DIAPH2: variants seen among roughly 807,000 people sequenced by gnomAD.
DIAPH2 encodes protein diaphanous homolog 2.
A neutral mutation model predicts 92.7 loss-of-function variants in DIAPH2; 35 were observed. The observed-to-expected ratio is 0.38, with a 90% CI of 0.29 to 0.50. DIAPH2 has a LOEUF of 0.50. Among genes scored for constraint, DIAPH2 ranks in the 20% least tolerant of loss-of-function variants. The pLI is 0.94. For synonymous variants in DIAPH2, 301 were observed against 280.4 expected, an observed-to-expected ratio of 1.07 and a Z score of -0.73; for missense variants, 701 against 819.5, an observed-to-expected ratio of 0.86 and a Z score of 1.77.
chrX:96,806,691 TC>T (rs1173170815), intron 4 of DIAPH2, among the ~76,000 whole-genome samples: 1 of 106,731 alleles, frequency 9.4e-6, no homozygotes, highest in African/African-American at 3.4e-5. Flanking sequence ...ATTTCATTTG[TC>T]CTGTCTATAT....
intron 22 of DIAPH2, among the ~76,000 whole-genome samples, chrX:97,166,377 C>T (rs1165408479): frequency 9.0e-6 from 1 of 111,552 alleles, no homozygotes; most frequent in East Asian, 2.8e-4. Flanking sequence ...AATTTTGATA[C>T]CATTCTGATG....
chrX:97,198,029 G>A (rs1416580881), intron 22 of DIAPH2, among the ~76,000 whole-genome samples: 1 of 111,079 alleles, frequency 9.0e-6, no homozygotes, highest in African/African-American at 3.3e-5. Context: ...GACTCAGAAA[G>A]AGAGACTGTC....
intron 26 of DIAPH2, chrX:97,564,557 C>G (rs1208395933): frequency 8.9e-6 from 1 of 111,747 alleles, no homozygotes; most frequent in Admixed American, 9.5e-5. Context: ...TCTAAGGCCT[C>G]TTTTGTAAGG....
At chrX:96,835,433 C>T (rs1316283594) in intron 4 of DIAPH2, among the ~76,000 whole-genome samples, 1 of 111,661 alleles carries the variant, frequency 9.0e-6, no homozygotes, top group African/African-American at 3.3e-5. Context: ...TTAAAAGCAC[C>T]TAAATATTCT....
intron 24 of DIAPH2, among the ~76,000 whole-genome samples, chrX:97,362,332 C>A (rs2069333759): frequency 9.0e-6 from 1 of 110,571 alleles, no homozygotes; most frequent in Non-Finnish European, 1.9e-5. Context: ...AATTGTTGCT[C>A]AGTATTATTT....
chrX:97,323,784 T>A (rs1403353291), intron 23 of DIAPH2, among the ~76,000 whole-genome samples: 2 of 103,750 alleles, frequency 1.9e-5, no homozygotes, highest in Non-Finnish European at 3.9e-5. Flanking sequence ...ATGCCTGTAA[T>A]CCCAGCTACT....
chrX:96,707,363 G>A (rs896970196), intron 1 of DIAPH2, among the ~76,000 whole-genome samples: 6 of 108,703 alleles, frequency 5.5e-5, no homozygotes, highest in African/African-American at 2.0e-4. Flanking sequence ...TAGAGACGGG[G>A]TTTCACCATG....
At chrX:97,137,209 A>G (rs1042035925) in intron 21 of DIAPH2, among the ~76,000 whole-genome samples, 3 of 101,808 alleles carry the variant, frequency 2.9e-5, no homozygotes, top group Admixed American at 1.1e-4. Flanking sequence ...GTTCTGGAAA[A>G]GTTTGGCCTT....
Position 96,735,756 on chromosome X carries a change from A to G in DIAPH2, c.133-2A>G. On this transcript the variant is annotated splice_acceptor_variant, in intron 1 of 26. Coordinates refer to ENST00000324765, the MANE Select transcript of DIAPH2 (RefSeq NM_006729.5). LOFTEE classifies it high-confidence loss of function. Reference sequence around the variant, plus strand: ...TTGTTTGTTTCTTTTTGGTTTTAATAGAACATTCAAATAAAAACTTTGGCA... The same window carrying G: ...TTGTTTGTTTCTTTTTGGTTTTAATGGAACATTCAAATAAAAACTTTGGCA... 9.2e-7 allele frequency: 1 copy of G among 1,084,007 alleles called. No individual in the cohort carries two copies. Among genetic ancestry groups the G allele is most frequent in the Non-Finnish European group, 1.2e-6 (1 of 800,558 alleles). The allele number at this position is 1,084,007 out of a possible 1,213,427, so 89.3% of individuals were successfully genotyped here. A position where few individuals can be genotyped will look rare whatever the true frequency, so the allele number is the denominator to read the frequency against.
chrX:97,223,461 A>G (rs962556204), intron 22 of DIAPH2, among the ~76,000 whole-genome samples: 1 of 111,487 alleles, frequency 9.0e-6, no homozygotes, highest in African/African-American at 3.3e-5. Flanking sequence ...AAAATGGTAG[A>G]TCATTCTATA....
chrX:97,541,086 A>G lies in DIAPH2; in HGVS notation c.3242-58167A>G, dbSNP rs531129080. Among the ~76,000 whole-genome samples, 12 of 111,566 alleles carry G rather than the reference A, an allele frequency of 1.1e-4. No homozygotes were observed. The South Asian group carries it at 4.5e-3, about 42-fold the overall frequency. On this transcript the variant is annotated intron_variant, in intron 26 of 26. Transcript: ENST00000324765. ...TAAACTATCTTATAAGTACAATAAA[A>G]ATCACCCATGCCTCATGGATAACCT...
chrX:97,507,330 T>C (rs1200716742), intron 26 of DIAPH2, among the ~76,000 whole-genome samples: 1 of 110,813 alleles, frequency 9.0e-6, no homozygotes, highest in East Asian at 2.8e-4. Context: ...TTATATAATA[T>C]TGGCAAATAT....
At chrX:97,089,876 C>T (rs888743488) in intron 19 of DIAPH2, among the ~76,000 whole-genome samples, 8 of 110,362 alleles carry the variant, frequency 7.2e-5, no homozygotes, top group South Asian at 3.9e-4. Flanking sequence ...TACAGGTGCC[C>T]GCCACCATGC....
chrX:97,143,273 T>C (rs754096030), intron 22 of DIAPH2, among the ~76,000 whole-genome samples: 154 of 110,952 alleles, frequency 1.4e-3, no homozygotes, highest in Non-Finnish European at 2.2e-3. Context: ...TAAACATTTG[T>C]GTTGTAATTT....
intron 17 of DIAPH2, among the ~76,000 whole-genome samples, chrX:97,029,580 T>TA (rs1449604844): frequency 9.0e-6 from 1 of 111,556 alleles, no homozygotes; most frequent in Non-Finnish European, 1.9e-5. Context: ...ATGTCATATT[T>TA]AAAAAACTGT....
intron 17 of DIAPH2, among the ~76,000 whole-genome samples, chrX:97,035,892 C>A (rs2066407508): frequency 9.1e-6 from 1 of 109,335 alleles, no homozygotes; most frequent in Non-Finnish European, 1.9e-5. Context: ...GCCTGTTGTC[C>A]CAGCTACTTG....
At chrX:97,070,723 CTT>C (rs1269758355) in intron 17 of DIAPH2, among the ~76,000 whole-genome samples, 2 of 111,592 alleles carry the variant, frequency 1.8e-5, no homozygotes, top group Non-Finnish European at 3.8e-5. Flanking sequence ...TCATGGAACT[CTT>C]ATCACTTTTC....
intron 4 of DIAPH2, among the ~76,000 whole-genome samples, chrX:96,873,653 C>T (rs901805943): frequency 2.2e-4 from 17 of 75,652 alleles, no homozygotes; most frequent in South Asian, 6.1e-4. Flanking sequence ...TATATACACA[C>T]ACACACACAC....
At chrX:97,436,667 C>T (rs997667807) in intron 26 of DIAPH2, among the ~76,000 whole-genome samples, 3 of 111,999 alleles carry the variant, frequency 2.7e-5, no homozygotes, top group Non-Finnish European at 5.6e-5. Context: ...TTTGCTGGCT[C>T]TTGTCTCTAC....
Sources: allele counts gnomAD v4.1 joint callset (sites outside exome capture counted in the v4.1 genomes callset), GRCh38; gene constraint gnomAD v4.1.1; transcripts MANE v1.5; gene names NCBI Gene and HGNC (gene_info 2026-07-23, HGNC 2026-07-21).